Variants in SAMMSON observed in about 807,000 individuals in gnomAD.
The protein encoded by SAMMSON is survival associated mitochondrial melanoma specific oncogenic non-coding RNA.
intron 4 of SAMMSON, chr3:70,206,589 A>C (rs1701292726): frequency 5.0e-6 from 2 of 397,740 alleles, no homozygotes; most frequent in African/African-American, 4.1e-5. Context: ...TCTGTGATGA[A>C]CTGAAGTATC....
chr3:70,345,747 A>G (rs144614702), intron 7 of SAMMSON, among the ~76,000 whole-genome samples: 1 of 123,078 alleles, frequency 8.1e-6, no homozygotes, highest in Non-Finnish European at 1.8e-5. Flanking sequence ...TATAGTATGT[A>G]GCCTTTTCAG....
chr3:70,214,607 C>T (rs371570427), intron 4 of SAMMSON, among the ~76,000 whole-genome samples: 1 of 140,310 alleles, frequency 7.1e-6, no homozygotes, highest in Non-Finnish European at 1.5e-5. Context: ...CTGAAGTGGG[C>T]TTTTTTTTTT....
At chr3:70,147,916 A>G (rs1232635760) in intron 4 of SAMMSON, among the ~76,000 whole-genome samples, 1 of 152,126 alleles carries the variant, frequency 6.6e-6, no homozygotes, top group East Asian at 1.9e-4. Flanking sequence ...CAAAGGACTT[A>G]TAGCCTGAAT....
At chr3:70,253,143 A>G (rs1701785301) in intron 6 of SAMMSON, among the ~76,000 whole-genome samples, 3 of 152,214 alleles carry the variant, frequency 2.0e-5, no homozygotes, top group African/African-American at 7.2e-5. Context: ...GATTGTGATA[A>G]GTGCTAAAGA....
intron 4 of SAMMSON, among the ~76,000 whole-genome samples, chr3:70,221,059 C>T (rs1029701451): frequency 5.3e-5 from 8 of 152,070 alleles, no homozygotes; most frequent in African/African-American, 1.9e-4. Flanking sequence ...AAACCAGGTA[C>T]AACAATAACT....
chr3:70,157,726 C>T (rs1282608302), intron 4 of SAMMSON, among the ~76,000 whole-genome samples: 1 of 152,090 alleles, frequency 6.6e-6, no homozygotes, highest in Non-Finnish European at 1.5e-5. Flanking sequence ...AGGATTTACT[C>T]TACGCCTAGC....
chr3:70,126,472 C>T, intron 4 of SAMMSON: 1 of 658,328 alleles, frequency 1.5e-6, no homozygotes, highest in Non-Finnish European at 2.8e-6. Flanking sequence ...TGAAGTACTT[C>T]AGCAAGTCCT....
intron 9 of SAMMSON, among the ~76,000 whole-genome samples, chr3:70,370,905 G>T (rs1170793046): frequency 6.6e-6 from 1 of 151,906 alleles, no homozygotes; most frequent in Non-Finnish European, 1.5e-5. Context: ...CAATGCTCAG[G>T]GGAGTTTTCC....
At chr3:70,121,247 C>T (rs1404487650) in intron 4 of SAMMSON, among the ~76,000 whole-genome samples, 1 of 152,212 alleles carries the variant, frequency 6.6e-6, no homozygotes, top group Non-Finnish European at 1.5e-5. Flanking sequence ...CAGCTCACCT[C>T]CTGCTGTGCA....
At chr3:70,419,253 G>A (rs999554972) in intron 2 of SAMMSON, among the ~76,000 whole-genome samples, 6 of 151,442 alleles carry the variant, frequency 4.0e-5, no homozygotes, top group African/African-American at 9.7e-5. Flanking sequence ...GGCTGGTCTC[G>A]AACTCCTGGG....
intron 7 of SAMMSON, among the ~76,000 whole-genome samples, chr3:70,343,553 G>C (rs891416293): frequency 1.3e-4 from 20 of 152,182 alleles, no homozygotes; most frequent in African/African-American, 4.3e-4. Flanking sequence ...CAGAGGCACA[G>C]TGTGATTCTT....
intron 4 of SAMMSON, among the ~76,000 whole-genome samples, chr3:70,214,138 A>T (rs76183949): frequency 0.01 from 1,554 of 152,234 alleles, 15 homozygotes; most frequent in South Asian, 0.03. Context: ...ACATCCTGAT[A>T]GATTGGATAA....
rs903226142 is a variant in SAMMSON at position 70,058,640 on chromosome 3, A to G, written n.418-12836A>G. Reference sequence around the variant, plus strand: ...TACCATTCTCATTTAACTTGCTGATAATTGCAGTTATAAAATGGGTCAGCC... The same window carrying G: ...TACCATTCTCATTTAACTTGCTGATGATTGCAGTTATAAAATGGGTCAGCC... On this transcript the variant is annotated intron_variant and non_coding_transcript_variant, in intron 3 of 9. Coordinates refer to ENST00000642114, the Ensembl canonical transcript of SAMMSON. Among the ~76,000 whole-genome samples the G allele has an allele frequency of 3.3e-5, 5 of 152,008 alleles. No homozygotes were observed. In the East Asian group the frequency reaches 9.7e-4, roughly 29 times the overall value.
chr3:70,079,449 A>G (rs1165923446), intron 4 of SAMMSON, among the ~76,000 whole-genome samples: 1 of 152,040 alleles, frequency 6.6e-6, no homozygotes, highest in African/African-American at 2.4e-5. Flanking sequence ...GTGACTTATG[A>G]TTTTTTTGAC....
rs569383047 is a variant in SAMMSON, at chr3:70,045,279, A to G, written n.418-26197A>G. 1.2e-4 allele frequency among the ~76,000 whole-genome samples: 18 copies of G among 148,834 alleles called. 1 individual carries two copies. In the East Asian group the frequency reaches 3.3e-3, roughly 28 times the overall value. ...ATTTTACTTAAAAGTATGGTGACAG[A>G]ATGTTGACTTTTACCCCAGACATTT... On this transcript the variant is annotated intron_variant and non_coding_transcript_variant, in intron 3 of 9. Transcript: ENST00000642114.
At chr3:70,431,373 T>C (rs947213074) in intron 2 of SAMMSON, among the ~76,000 whole-genome samples, 1 of 152,100 alleles carries the variant, frequency 6.6e-6, no homozygotes, top group Non-Finnish European at 1.5e-5. Context: ...TGTGTTTATG[T>C]CTGACACTTT....
At chr3:70,100,601 A>G (rs2067340695) in intron 4 of SAMMSON, among the ~76,000 whole-genome samples, 1 of 152,112 alleles carries the variant, frequency 6.6e-6, no homozygotes, top group South Asian at 2.1e-4. Flanking sequence ...ATTCTTTCCC[A>G]AGAATCTTTT....
chr3:70,372,287 TATTTC>T (rs1465747261), intron 9 of SAMMSON, among the ~76,000 whole-genome samples: 1 of 151,834 alleles, frequency 6.6e-6, no homozygotes, highest in African/African-American at 2.4e-5. Flanking sequence ...TGTTTTATTT[TATTTC>T]ATGTATTTTA....
rs944692311 is a variant in SAMMSON at position 70,153,663 on chromosome 3, G to T, written n.507+82098G>T. Among the ~76,000 whole-genome samples, 3 of 151,780 alleles carry T rather than the reference G, an allele frequency of 2.0e-5. No individual in the cohort carries two copies. In the South Asian group the frequency reaches 6.2e-4, roughly 32 times the overall value. ...TATATTAAATATATTCTATATTTTT[G>T]CGATTTTTAAAAAACTCTCAACATT... On this transcript the variant is annotated intron_variant and non_coding_transcript_variant, in intron 4 of 9. Coordinates refer to ENST00000642114, the Ensembl canonical transcript of SAMMSON.
Sources: allele counts gnomAD v4.1 joint callset (sites outside exome capture counted in the v4.1 genomes callset), GRCh38; gene constraint gnomAD v4.1.1; transcripts MANE v1.5; gene names NCBI Gene and HGNC (gene_info 2026-07-23, HGNC 2026-07-21).